The following SHANK2 variants were observed in gnomAD, a reference collection of about 807,000 sequenced individuals.
The protein encoded by SHANK2 is SH3 and multiple ankyrin repeat domains 2.
SHANK2 carries 43 observed loss-of-function variants against 133.7 expected under a neutral mutation model. That is an observed-to-expected ratio of 0.32 (90% CI 0.25 to 0.41). The LOEUF (loss-of-function observed/expected upper bound fraction) is 0.41. Ranked by LOEUF, SHANK2 falls within the 10% of genes least tolerant of loss-of-function variation. SHANK2 has a pLI of 1.00. For synonymous variants in SHANK2, 1,017 were observed against 952.8 expected (o/e 1.07, Z -1.24); for missense variants, 1,994 against 2,235.8 (o/e 0.89, Z 2.18).
At chr11:70,673,532 G>T (rs1321101220) in intron 15 of SHANK2, among the ~76,000 whole-genome samples, 1 of 152,196 alleles carries the variant, frequency 6.6e-6, no homozygotes, top group Admixed American at 6.5e-5. Context: ...GGAGTAGATG[G>T]CCCCACAGCT....
intron 17 of SHANK2, among the ~76,000 whole-genome samples, chr11:70,617,221 T>G (rs1370766002): frequency 6.6e-6 from 1 of 151,564 alleles, no homozygotes; most frequent in Non-Finnish European, 1.5e-5. Context: ...TCTGAGTGTG[T>G]TGTGTGTGTG....
intron 14 of SHANK2, among the ~76,000 whole-genome samples, chr11:70,754,660 G>A (rs766705407): frequency 1.3e-5 from 2 of 152,188 alleles, no homozygotes; most frequent in Admixed American, 6.5e-5. Flanking sequence ...GCAGCGGTAG[G>A]AGGAGGTGGA....
intron 13 of SHANK2, among the ~76,000 whole-genome samples, chr11:70,803,975 G>A (rs938457893): frequency 2.6e-5 from 4 of 152,074 alleles, no homozygotes; most frequent in East Asian, 1.9e-4. Flanking sequence ...GGGACCGAGC[G>A]GAGGAGATGT....
At chr11:70,477,811 C>A (rs1437659309) in intron 25 of SHANK2, among the ~76,000 whole-genome samples, 1 of 152,206 alleles carries the variant, frequency 6.6e-6, no homozygotes, top group Non-Finnish European at 1.5e-5. Flanking sequence ...GGGCTGCCCG[C>A]CCTGCCCTCC....
intron 9 of SHANK2, among the ~76,000 whole-genome samples, chr11:71,072,205 C>T (rs1951151993): frequency 6.6e-6 from 1 of 151,876 alleles, no homozygotes; most frequent in African/African-American, 2.4e-5. Flanking sequence ...GAGCCCAGGG[C>T]CCCTTCTCAC....
At chr11:70,681,904 C>T (rs1945036811) in intron 15 of SHANK2, among the ~76,000 whole-genome samples, 1 of 152,084 alleles carries the variant, frequency 6.6e-6, no homozygotes, top group African/African-American at 2.4e-5. Context: ...TGTGGAGGGG[C>T]GGACATCACC....
chr11:70,689,434 G>A (rs148222819), intron 15 of SHANK2, among the ~76,000 whole-genome samples: 390 of 152,152 alleles, frequency 2.6e-3, no homozygotes, highest in African/African-American at 3.8e-3. Flanking sequence ...AGTCTGGAGG[G>A]GTCTCCAGAG....
intron 11 of SHANK2, among the ~76,000 whole-genome samples, chr11:70,880,039 C>G (rs562257034): frequency 1.1e-4 from 17 of 152,334 alleles, no homozygotes; most frequent in Non-Finnish European, 2.2e-4. Flanking sequence ...GTGCAGCTCT[C>G]CAGTGCGAGG....
At chr11:71,148,767 CT>C (rs1440565611) in intron 2 of SHANK2, among the ~76,000 whole-genome samples, 5 of 152,168 alleles carry the variant, frequency 3.3e-5, no homozygotes, top group Non-Finnish European at 5.9e-5. Context: ...TGGATGATCC[CT>C]GAAACATAAC....
chr11:70,774,862 C>G (rs1947328863), intron 14 of SHANK2, among the ~76,000 whole-genome samples: 1 of 152,156 alleles, frequency 6.6e-6, no homozygotes, highest in Admixed American at 6.5e-5. Context: ...GGTTAACCGT[C>G]AAAATTTGAT....
chr11:70,840,326 C>T (rs891769013), intron 11 of SHANK2, among the ~76,000 whole-genome samples: 12 of 152,192 alleles, frequency 7.9e-5, no homozygotes, highest in Admixed American at 2.0e-4. Flanking sequence ...AGGGCAGGTC[C>T]GCAGACCCAC....
At chr11:70,805,033 T>C (rs2135260954) in intron 13 of SHANK2, among the ~76,000 whole-genome samples, 1 of 152,256 alleles carries the variant, frequency 6.6e-6, no homozygotes, top group Non-Finnish European at 1.5e-5. Context: ...GCTCTGCCCC[T>C]CTCGGAGCAT....
At chr11:70,863,932 C>T (rs377369098) in intron 11 of SHANK2, 11 of 436,342 alleles carry the variant, frequency 2.5e-5, no homozygotes, top group Non-Finnish European at 4.1e-5. Context: ...GCCCCCACAA[C>T]GGTGAGAGAA....
At chr11:70,716,895 G>GCCCCCCCCCCCCCCCCCCCCCCCCC (rs60827522) in intron 14 of SHANK2, among the ~76,000 whole-genome samples, 3 of 138,392 alleles carry the variant, frequency 2.2e-5, no homozygotes, top group Non-Finnish European at 1.5e-5. Context: ...GGGTCCCGGA[G>GCCCCCCCCCCCCCCCCCCCCCCCCC]CCCCCCCCCC....
chr11:71,078,627 C>T (rs1157256577), intron 8 of SHANK2, among the ~76,000 whole-genome samples: 6 of 152,146 alleles, frequency 3.9e-5, no homozygotes, highest in African/African-American at 9.7e-5. Context: ...TAAAACAGGG[C>T]GGGGCAGAAG....
chr11:70,495,400 C>G (rs1231553501), intron 21 of SHANK2, among the ~76,000 whole-genome samples: 1 of 152,236 alleles, frequency 6.6e-6, no homozygotes, highest in Admixed American at 6.5e-5. Flanking sequence ...GACTTGGGAC[C>G]AGGTGATGCT....
intron 21 of SHANK2, among the ~76,000 whole-genome samples, chr11:70,499,283 C>T (rs1213257343): frequency 1.3e-5 from 2 of 152,256 alleles, no homozygotes; most frequent in Non-Finnish European, 2.9e-5. Flanking sequence ...GGTCTTCCTG[C>T]CCACACCCTT....
intron 8 of SHANK2, 145 bp downstream of exon 8, chr11:71,092,277 C>T (rs1233080621): frequency 1.3e-6 from 1 of 759,076 alleles, no homozygotes; most frequent in Non-Finnish European, 2.2e-6. Flanking sequence ...TTTTAATTCA[C>T]ATATTTTCAG....
At chr11:71,083,997 T>A (rs1208172084) in intron 8 of SHANK2, among the ~76,000 whole-genome samples, 9 of 146,220 alleles carry the variant, frequency 6.2e-5, no homozygotes, top group Non-Finnish European at 1.3e-4. Context: ...GGAGACAGAG[T>A]CTTGCTCTGT....
Sources: allele counts gnomAD v4.1 joint callset (sites outside exome capture counted in the v4.1 genomes callset), GRCh38; gene constraint gnomAD v4.1.1; transcripts MANE v1.5; gene names NCBI Gene and HGNC (gene_info 2026-07-23, HGNC 2026-07-21).